TBCE: variants seen among roughly 807,000 people sequenced by gnomAD.
The protein encoded by TBCE is tubulin-specific chaperone E.
In TBCE, 53 loss-of-function variants were observed where a neutral mutation model predicts 77.0. The ratio of observed to expected loss-of-function variants is 0.69; its 90% CI spans 0.55 to 0.87. The LOEUF is 0.87. TBCE is among the 40% of genes least tolerant of loss of function. The probability of loss-of-function intolerance (pLI) is 0.00; values close to 1 mark genes in which losing one functional copy is unlikely to be tolerated. For missense variants in TBCE, 624 were observed against 622.4 expected, an observed-to-expected ratio of 1.00 and a Z score of -0.03; for synonymous variants, 235 against 241.3, an observed-to-expected ratio of 0.97 and a Z score of 0.24.
chr1:235,394,106 G>A (rs918086889), intron 2 of TBCE, among the ~76,000 whole-genome samples: 2 of 151,884 alleles, frequency 1.3e-5, no homozygotes, highest in African/African-American at 4.8e-5. Flanking sequence ...ACGGAGTCTC[G>A]CTCTGTCGCT....
intron 2 of TBCE, among the ~76,000 whole-genome samples, chr1:235,392,858 A>C (rs1303647942): frequency 6.6e-6 from 1 of 152,040 alleles, no homozygotes; most frequent in Non-Finnish European, 1.5e-5. Flanking sequence ...GCTGTCTTTT[A>C]ACAAAATTAT....
intron 2 of TBCE, among the ~76,000 whole-genome samples, chr1:235,392,428 T>A (rs1009095443): frequency 2.7e-4 from 40 of 149,940 alleles, no homozygotes; most frequent in African/African-American, 9.3e-4. Context: ...TTTTTTTTTT[T>A]AGACAGAGTC....
intron 2 of TBCE, among the ~76,000 whole-genome samples, chr1:235,394,242 T>A (rs921662284): frequency 2.6e-5 from 4 of 151,968 alleles, no homozygotes; most frequent in African/African-American, 9.6e-5. Context: ...GCCCAGCTAC[T>A]TTTTTGTATA....
chr1:235,442,775 T>C, intron 14 of TBCE, 77 bp from the exon 15 acceptor site: 1 of 1,407,522 alleles, frequency 7.1e-7, no homozygotes. Flanking sequence ...CATTTGGCCA[T>C]CTGTTGATGT....
rs6687258 is a variant in TBCE, at chr1:235,434,085, G to A, written c.661-119G>A. The A allele has an allele frequency of 6.2e-3, 5,462 of 879,526 alleles. 187 individuals are homozygous for A. The African/African-American group carries it at 0.077, about 12-fold the overall frequency. The allele number at this position is 879,526 out of a possible 1,614,324, so 54.5% of individuals were successfully genotyped here. On this transcript the variant is annotated intron_variant, in intron 7 of 16. Transcript: ENST00000642610. The stretch of plus-strand genomic sequence containing the variant: ...CCTGAAACAGTCTTATGAACTGTCC[G>A]TGAGGCACTTGTTTGCTGAAACAGT...
chr1:235,399,505 C>A (rs1034574205), intron 2 of TBCE, among the ~76,000 whole-genome samples: 2 of 123,860 alleles, frequency 1.6e-5, no homozygotes, highest in African/African-American at 6.1e-5. Flanking sequence ...CCCGGAGAGG[C>A]TCCCACCCCT....
chr1:235,448,449 C>T lies in TBCE; in HGVS notation c.1491+9C>T. ...CCTATGAAAGTCCCAAAGTAAGTTG[C>T]CCAGCAAAATACAAAGTCAAAGTCA... is the stretch of plus-strand genomic sequence containing the variant. On this transcript the variant is annotated intron_variant, in intron 16 of 16. Coordinates refer to ENST00000642610, the MANE Select transcript of TBCE (RefSeq NM_003193.5). The T allele has an allele frequency of 1.9e-6, 3 of 1,613,042 alleles. No individual in the cohort carries two copies. The highest frequency in any genetic ancestry group is 2.5e-6 in the Non-Finnish European group (3 of 1,179,104).
chr1:235,446,423 C>T (rs1321466079), intron 15 of TBCE, among the ~76,000 whole-genome samples: 3 of 152,024 alleles, frequency 2.0e-5, no homozygotes, highest in Non-Finnish European at 2.9e-5. Flanking sequence ...ATGATCCGCC[C>T]GCCTCGGCCT....
At chr1:235,378,732 G>A (rs1382532833) in intron 1 of TBCE, among the ~76,000 whole-genome samples, 1 of 151,968 alleles carries the variant, frequency 6.6e-6, no homozygotes, top group Non-Finnish European at 1.5e-5. Context: ...GTGGTGGCGT[G>A]TGCCTGTAAT....
At chr1:235,376,991 G>T (rs1011654415) in intron 1 of TBCE, among the ~76,000 whole-genome samples, 4 of 151,822 alleles carry the variant, frequency 2.6e-5, no homozygotes, top group African/African-American at 9.7e-5. Context: ...CATCTAAACT[G>T]CTTTGACTTT....
At position 235,433,193 on chromosome 1, in the gene TBCE, T is replaced by C. The variant is rs1044336739; in HGVS notation, c.661-1011T>C. 13 of 1,308,354 alleles carry C rather than the reference T, an allele frequency of 9.9e-6. No homozygotes were observed. The African/African-American group carries it at 1.7e-4, about 17-fold the overall frequency. 81.0% of individuals were successfully genotyped at this position (1,308,354 alleles called of 1,614,324 possible). ...ATGGGTGAGTCAGATGATTCCATTC[T>C]CTAATTGGCCATGGCCAAGGGCGTC... On this transcript the variant is annotated intron_variant, in intron 7 of 16. Transcript: ENST00000642610.
intron 6 of TBCE, 97 bp downstream of exon 6, chr1:235,427,336 G>T: frequency 2.2e-6 from 2 of 928,294 alleles, no homozygotes; most frequent in South Asian, 1.4e-5. Flanking sequence ...GGAGCCGGAA[G>T]GGTTAAGGCT....
At chr1:235,400,785 C>G (rs1030712056) in intron 2 of TBCE, among the ~76,000 whole-genome samples, 4 of 149,644 alleles carry the variant, frequency 2.7e-5, no homozygotes, top group African/African-American at 9.9e-5. Flanking sequence ...ACCTCCGCCT[C>G]CCGGGTTCAA....
chr1:235,421,504 T>C (rs1295578389), intron 5 of TBCE, among the ~76,000 whole-genome samples: 2 of 152,018 alleles, frequency 1.3e-5, no homozygotes, highest in East Asian at 3.9e-4. Context: ...GGTCAGGAGT[T>C]TGAGACCAAC....
chr1:235,424,348 T>C (rs1435103378), intron 5 of TBCE, among the ~76,000 whole-genome samples: 2 of 146,118 alleles, frequency 1.4e-5, no homozygotes, highest in Admixed American at 6.9e-5. Flanking sequence ...TTTTTGGAGA[T>C]GGAGTCTTGC....
At chr1:235,409,993 G>A (rs1190303465) in intron 3 of TBCE, among the ~76,000 whole-genome samples, 6 of 148,240 alleles carry the variant, frequency 4.0e-5, no homozygotes. Flanking sequence ...TCGTGCCACT[G>A]CACTCCAGCC....
intron 15 of TBCE, among the ~76,000 whole-genome samples, chr1:235,445,002 A>G (rs564293896): frequency 7.4e-4 from 112 of 152,338 alleles, no homozygotes; most frequent in African/African-American, 2.6e-3. Context: ...CTGGTATCCC[A>G]GGTCTTCTGA....
chr1:235,434,378 T>C (rs1435562059), intron 8 of TBCE, 98 bp downstream of exon 8: 8 of 1,118,202 alleles, frequency 7.2e-6, no homozygotes, highest in Non-Finnish European at 2.7e-6. Flanking sequence ...TTTAGAAGGA[T>C]TTGCAAACAA....
chr1:235,435,076 A>G (rs939899468), intron 8 of TBCE, among the ~76,000 whole-genome samples: 1 of 151,804 alleles, frequency 6.6e-6, no homozygotes, highest in Non-Finnish European at 1.5e-5. Flanking sequence ...GAAGGGTTTC[A>G]TTATGTAGGC....
Sources: gnomAD v4.1 joint callset for allele counts (sites outside exome capture counted in the v4.1 genomes callset) on GRCh38, gnomAD v4.1.1 for gene constraint, MANE v1.5 for transcripts, NCBI Gene and HGNC (gene_info 2026-07-23, HGNC 2026-07-21) for gene names.